Variants in KCNIP4 observed in about 807,000 individuals in gnomAD.
KCNIP4 encodes the protein Kv channel-interacting protein 4.
In KCNIP4, 12 loss-of-function variants were observed where a neutral mutation model predicts 34.0. The observed-to-expected ratio is 0.35, with a 90% confidence interval of 0.23 to 0.57. The LOEUF (loss-of-function observed/expected upper bound fraction) is 0.57. Ranked by LOEUF, KCNIP4 falls within the 20% of genes least tolerant of loss-of-function variation. The pLI is 0.83. For missense variants in KCNIP4, 238 were observed against 311.7 expected (o/e 0.76, Z 1.78); for synonymous variants, 124 against 102.2 (o/e 1.21, Z -1.29).
intron 5 of KCNIP4, 57 bp from the exon 6 acceptor site, chr4:20,734,792 A>T (rs1749183304): frequency 9.4e-7 from 1 of 1,059,480 alleles, no homozygotes; most frequent in South Asian, 1.5e-5. Context: ...CAAAAACAAA[A>T]AAAACAAATG....
chr4:21,619,080 G>A (rs1314511435), intron 1 of KCNIP4, among the ~76,000 whole-genome samples: 1 of 152,074 alleles, frequency 6.6e-6, no homozygotes, highest in Non-Finnish European at 1.5e-5. Context: ...CACCCGATAA[G>A]TGAGACTCAA....
intron 1 of KCNIP4, among the ~76,000 whole-genome samples, chr4:21,237,502 A>G (rs1269019986): frequency 6.6e-6 from 1 of 152,208 alleles, no homozygotes; most frequent in African/African-American, 2.4e-5. Context: ...TAAAGAAGAA[A>G]AGAGAGAAGA....
chr4:21,547,825 A>G (rs1384890689), intron 1 of KCNIP4, among the ~76,000 whole-genome samples: 1 of 152,054 alleles, frequency 6.6e-6, no homozygotes, highest in Non-Finnish European at 1.5e-5. Context: ...TAAATCTAAA[A>G]TTTGTTTATG....
chr4:21,177,936 G>C (rs897574897), intron 1 of KCNIP4, among the ~76,000 whole-genome samples: 2 of 151,068 alleles, frequency 1.3e-5, no homozygotes, highest in Non-Finnish European at 2.9e-5. Flanking sequence ...TATCCCCCAT[G>C]TTTTACAGGT....
intron 1 of KCNIP4, among the ~76,000 whole-genome samples, chr4:21,760,503 G>A (rs1717976719): frequency 6.6e-6 from 1 of 152,070 alleles, no homozygotes; most frequent in Non-Finnish European, 1.5e-5. Flanking sequence ...CAAATTATGG[G>A]TTTTAGAGAC....
intron 1 of KCNIP4, among the ~76,000 whole-genome samples, chr4:21,866,305 G>T (rs1725411678): frequency 6.6e-6 from 1 of 152,140 alleles, no homozygotes; most frequent in Admixed American, 6.5e-5. Context: ...ATGTAAAATT[G>T]CCTTCTCCAC....
chr4:20,799,816 C>T (rs190046347), intron 3 of KCNIP4, among the ~76,000 whole-genome samples: 8 of 152,150 alleles, frequency 5.3e-5, no homozygotes, highest in South Asian at 2.1e-4. Flanking sequence ...TGCACTGTTC[C>T]GTGAGGATTT....
At chr4:21,815,427 C>A (rs1560734966) in intron 1 of KCNIP4, among the ~76,000 whole-genome samples, 1 of 151,966 alleles carries the variant, frequency 6.6e-6, no homozygotes, top group Non-Finnish European at 1.5e-5. Flanking sequence ...ACCAAACCAC[C>A]ACCACCATCA....
intron 1 of KCNIP4, among the ~76,000 whole-genome samples, chr4:21,572,633 C>CA (rs1553905288): frequency 2.1e-5 from 3 of 140,730 alleles, no homozygotes; most frequent in Non-Finnish European, 4.7e-5. Flanking sequence ...GATCTCTCAT[C>CA]TTTTTTTTTT....
chr4:21,524,319 A>G (rs540442841), intron 1 of KCNIP4, among the ~76,000 whole-genome samples: 1 of 152,156 alleles, frequency 6.6e-6, no homozygotes, highest in South Asian at 2.1e-4. Flanking sequence ...TGTTTTCCCT[A>G]TTATTTCCCC....
chr4:20,934,188 C>T (rs1281273887), intron 1 of KCNIP4, among the ~76,000 whole-genome samples: 1 of 152,018 alleles, frequency 6.6e-6, no homozygotes, highest in Non-Finnish European at 1.5e-5. Flanking sequence ...ATTTCTTGTC[C>T]TCCAACTTCC....
chr4:21,835,352 A>G (rs1415458911), intron 1 of KCNIP4, among the ~76,000 whole-genome samples: 1 of 152,166 alleles, frequency 6.6e-6, no homozygotes, highest in Non-Finnish European at 1.5e-5. Flanking sequence ...TAAATAGTCT[A>G]TAAAAAATAA....
chr4:21,443,152 G>C (rs1257829683), intron 1 of KCNIP4, among the ~76,000 whole-genome samples: 1 of 152,104 alleles, frequency 6.6e-6, no homozygotes, highest in Non-Finnish European at 1.5e-5. Flanking sequence ...TCTCTAATCT[G>C]TATCATTGAA....
At chr4:21,285,632 C>T (rs899492903) in intron 1 of KCNIP4, among the ~76,000 whole-genome samples, 10 of 151,918 alleles carry the variant, frequency 6.6e-5, no homozygotes, top group Non-Finnish European at 1.5e-5. Context: ...AGTTCGAGAT[C>T]AGCCTGGCCA....
chr4:21,785,847 C>T (rs934789204), intron 1 of KCNIP4, among the ~76,000 whole-genome samples: 1 of 152,154 alleles, frequency 6.6e-6, no homozygotes, highest in African/African-American at 2.4e-5. Context: ...TTTATCCATT[C>T]GTCAGTTGAT....
At chr4:20,967,778 C>T (rs543160835) in intron 1 of KCNIP4, among the ~76,000 whole-genome samples, 7 of 152,044 alleles carry the variant, frequency 4.6e-5, no homozygotes, top group South Asian at 2.1e-4. Flanking sequence ...CAAAAATTAA[C>T]TCAAGATGGA....
At chr4:21,257,690 CA>C (rs550293848) in intron 1 of KCNIP4, among the ~76,000 whole-genome samples, 37 of 150,600 alleles carry the variant, frequency 2.5e-4, no homozygotes, top group African/African-American at 9.0e-4. Flanking sequence ...GCGGAGGTTG[CA>C]GTGAGCCGAG....
chr4:21,588,849 ACTACGAC>A (rs748284763), intron 1 of KCNIP4, among the ~76,000 whole-genome samples: 1 of 151,670 alleles, frequency 6.6e-6, no homozygotes, highest in Non-Finnish European at 1.5e-5. Flanking sequence ...GTAATAAGTC[ACTACGAC>A]ATAAGGATTC....
intron 1 of KCNIP4, among the ~76,000 whole-genome samples, chr4:21,757,154 AGAAAGAAAGAAAGAAGGAAG>A (rs1388381702): frequency 7.7e-4 from 21 of 27,382 alleles, no homozygotes; most frequent in Admixed American, 3.4e-3. Flanking sequence ...AAAGAAAGAA[AGAAAGAAAGAAAGAAGGAAG>A]GAAGGAAGGA....
Sources: gnomAD v4.1 joint callset for allele counts (sites outside exome capture counted in the v4.1 genomes callset) on GRCh38, gnomAD v4.1.1 for gene constraint, MANE v1.5 for transcripts, NCBI Gene and HGNC (gene_info 2026-07-23, HGNC 2026-07-21) for gene names.